Variants in CISH observed in about 807,000 individuals in gnomAD.
CISH encodes cytokine-inducible SH2-containing protein.
In CISH, 11 loss-of-function variants were observed where a neutral mutation model predicts 21.3. The observed-to-expected ratio is 0.52, with a 90% CI of 0.32 to 0.85. CISH has a LOEUF of 0.85. Among genes scored for constraint, CISH ranks in the 40% least tolerant of loss-of-function variants. The probability of loss-of-function intolerance (pLI) is 0.03; values close to 1 mark genes in which losing one functional copy is unlikely to be tolerated. For missense variants in CISH, 280 were observed against 351.7 expected (o/e 0.80, Z 1.63); for synonymous variants, 118 against 142.3 (o/e 0.83, Z 1.22).
At chr3:50,610,478 CTT>C in intron 1 of CISH, 1 of 1,551,358 alleles carries the variant, frequency 6.4e-7, no homozygotes, top group South Asian at 1.2e-5. Flanking sequence ...CAGTCTAAAA[CTT>C]TGTTCCCTGA....
rs1168693701 is a variant in CISH at position 50,608,509 on chromosome 3, C to A, written c.105G>T (p.Gln35His). 2 of 1,611,150 alleles carry A rather than the reference C, an allele frequency of 1.2e-6. No individual in the cohort carries two copies. Among genetic ancestry groups the A allele is most frequent in the South Asian group, 1.1e-5 (1 of 90,720 alleles). ...PSLELPKPVM[Q>H]PLPAGAFLEE... Reference sequence around the variant, plus strand: ...CGAGGAAGGCCCCAGCAGGCAAGGGCTGCATGACTGGCTTGGGCAGTTCCA... The same window carrying A: ...CGAGGAAGGCCCCAGCAGGCAAGGGATGCATGACTGGCTTGGGCAGTTCCA... The change falls in exon 2 of 3, where the codon CAG becomes CAT. Residue 35 changes from glutamine (Q) to histidine (H), a missense_variant. By Grantham distance (24) the Gln-to-His change is conservative (BLOSUM62 0). Coordinates refer to ENST00000348721, the MANE Select transcript of CISH (RefSeq NM_145071.4).
At chr3:50,611,259 G>A in intron 1 of CISH, 1 of 1,133,238 alleles carries the variant, frequency 8.8e-7, no homozygotes, top group Non-Finnish European at 1.1e-6. Context: ...AGCAGGCAGG[G>A]CAGCAGGCAG....
intron 1 of CISH, chr3:50,611,339 C>CCGTT: frequency 7.6e-7 from 1 of 1,321,644 alleles, no homozygotes; most frequent in South Asian, 1.9e-5. Flanking sequence ...GGACGCCGTG[C>CCGTT]CGTTAGCATC....
intron 1 of CISH, chr3:50,608,896 C>T (rs986460907): frequency 1.2e-5 from 4 of 346,816 alleles, no homozygotes; most frequent in Admixed American, 4.7e-5. Flanking sequence ...AAACACAGAT[C>T]ATTCCCTATA....
At chr3:50,611,535 G>A (rs1032823507) in intron 1 of CISH, 96 bp downstream of exon 1, 144 of 1,515,832 alleles carry the variant, frequency 9.5e-5, no homozygotes, top group Non-Finnish European at 1.2e-4. Context: ...CCTCTGGCCC[G>A]TCAAGCCCTC....
chr3:50,610,243 G>A, intron 1 of CISH: 1 of 1,045,784 alleles, frequency 9.6e-7, no homozygotes, highest in Non-Finnish European at 1.4e-6. Context: ...ACCTCTGTGG[G>A]TGGCCACGTC....
In CISH at chr3:50,607,424, C is replaced by T; in HGVS notation, c.*183G>A. 3.1e-6 allele frequency: 2 copies of T among 638,148 alleles called. No homozygotes were observed. Among genetic ancestry groups the T allele is most frequent in the East Asian group, 5.5e-5 (2 of 36,354 alleles). 39.5% of individuals were successfully genotyped at this position (638,148 alleles called of 1,614,324 possible). A position where few individuals can be genotyped will look rare whatever the true frequency, so the allele number is the denominator to read the frequency against. On this transcript the variant is annotated 3_prime_UTR_variant, in exon 3 of 3. Transcript: ENST00000348721. ...ACATGCGGCCTGGGGGCATTTACCT[C>T]CAAGTTGTGTGACACCTCCCCTCTC...
chr3:50,609,217 C>G (rs957203300), intron 1 of CISH: 4 of 152,264 alleles, frequency 2.6e-5, no homozygotes, highest in Non-Finnish European at 5.9e-5. Flanking sequence ...CCATACAAGT[C>G]AGCCTATCCT....
chr3:50,611,598 G>A, intron 1 of CISH, 33 bp downstream of exon 1: 1 of 1,522,958 alleles, frequency 6.6e-7, no homozygotes, highest in Non-Finnish European at 8.8e-7. Context: ...GCCCCTCGTG[G>A]TGGCCGGGAA....
intron 1 of CISH, chr3:50,610,155 A>G: frequency 1.7e-6 from 1 of 589,858 alleles, no homozygotes. Context: ...TGGAGGCCAA[A>G]TTTTGAGATG....
At position 50,607,703 on chromosome 3, in the gene CISH, G is replaced by GA. The variant is rs773702005; in HGVS notation, c.680_681insT (p.Arg228ProfsTer107). ...CCACCAGACGGTTGATGACAAGGCG[G>GA]CACAGGTGTTGCAGGCTGCGGGCAC... On this transcript the variant is annotated frameshift_variant, in exon 3 of 3. Transcript: ENST00000348721. LOFTEE classifies it high-confidence loss of function. 6.2e-7 allele frequency: 1 copy of GA among 1,613,866 alleles called. No individual in the cohort carries two copies. The highest frequency in any genetic ancestry group is 8.5e-7 in the Non-Finnish European group (1 of 1,179,952).
At chr3:50,610,098 C>T (rs1040813316) in intron 1 of CISH, 3 of 490,098 alleles carry the variant, frequency 6.1e-6, no homozygotes, top group African/African-American at 1.9e-5. Context: ...CTTTTCCACA[C>T]CTACCCTGGC....
chr3:50,608,702 T>A, intron 1 of CISH, 109 bp from the exon 2 acceptor site: 1 of 721,656 alleles, frequency 1.4e-6, no homozygotes, highest in Non-Finnish European at 2.1e-6. Flanking sequence ...CCCATCTCAC[T>A]ATGAGCCTCA....
At chr3:50,610,791 C>T in intron 1 of CISH, 2 of 1,152,224 alleles carry the variant, frequency 1.7e-6, no homozygotes, top group East Asian at 5.4e-5. Flanking sequence ...GCAGAACACC[C>T]ATTTATACCT....
Position 50,607,256 on chromosome 3 carries a change from T to G in CISH, c.*351A>C. On this transcript the variant is annotated 3_prime_UTR_variant, in exon 3 of 3. Coordinates refer to ENST00000348721, the MANE Select transcript of CISH (RefSeq NM_145071.4). ...TAGGGGTCCTACCCGACCCTGGGGA[T>G]TGAAAAACCAGGGCTGAGAGTGCCC... 1 of 269,146 alleles carries G rather than the reference T, an allele frequency of 3.7e-6. No individual in the cohort carries two copies. The highest frequency in any genetic ancestry group is 7.2e-6 in the Non-Finnish European group (1 of 139,474). The allele number at this position is 269,146 out of a possible 1,614,324, so 16.7% of individuals were successfully genotyped here.
Position 50,608,593 on chromosome 3 carries a change from T to C in CISH, c.21A>G (p.Gly7=), listed in dbSNP as rs1349123336. The C allele has an allele frequency of 6.6e-7, 1 of 1,504,726 alleles. No homozygotes were observed. Among genetic ancestry groups the C allele is most frequent in the Non-Finnish European group, 8.8e-7 (1 of 1,130,990 alleles). The allele number at this position is 1,504,726 out of a possible 1,614,324, so 93.2% of individuals were successfully genotyped here. A position where few individuals can be genotyped will look rare whatever the true frequency, so the allele number is the denominator to read the frequency against. Residue 7 remains glycine (G), a splice_region_variant and synonymous_variant, in exon 2 of 3, where the codon GGA becomes GGG. Transcript: ENST00000348721. The stretch of plus-strand genomic sequence containing the variant: ...GCTCCACAGCCAGCAAAGGACGAGG[T>C]CTAGAAGGCAGTGGATGAGCAGTGA... MVLCVQ[G]PRPLLAVERT...
In CISH at chr3:50,607,429, T is replaced by G; in HGVS notation, c.*178A>C. The G allele has an allele frequency of 1.6e-6, 1 of 644,232 alleles. No homozygotes were observed. Among genetic ancestry groups the G allele is most frequent in the South Asian group, 2.0e-5 (1 of 50,654 alleles). The allele number at this position is 644,232 out of a possible 1,614,324, so 39.9% of individuals were successfully genotyped here. A position where few individuals can be genotyped will look rare whatever the true frequency, so the allele number is the denominator to read the frequency against. On this transcript the variant is annotated 3_prime_UTR_variant, in exon 3 of 3. Transcript: ENST00000348721. ...CGGCCTGGGGGCATTTACCTCCAAG[T>G]TGTGTGACACCTCCCCTCTCCCATG...
rs547039308 is a variant in CISH, at chr3:50,608,326, C to G, written c.241+47G>C. The G allele has an allele frequency of 2.2e-3, 3,310 of 1,528,138 alleles. 94 individuals carry two copies. In the South Asian group the frequency reaches 0.039, roughly 18 times the overall value. 94.7% of individuals were successfully genotyped at this position (1,528,138 alleles called of 1,614,324 possible). ...GACTCAAAGGCAGAACTAAGCTTCTCCCACCAGACTACTCAGGAAAAGGCC... is the reference window on the plus strand; with the variant it reads ...GACTCAAAGGCAGAACTAAGCTTCTGCCACCAGACTACTCAGGAAAAGGCC... On this transcript the variant is annotated intron_variant, in intron 2 of 2. Coordinates refer to ENST00000348721, the MANE Select transcript of CISH (RefSeq NM_145071.4).
Position 50,607,560 on chromosome 3 carries a change from C to G in CISH, c.*47G>C, listed in dbSNP as rs1450915028. 6 of 1,557,616 alleles carry G rather than the reference C, an allele frequency of 3.9e-6. No individual in the cohort carries two copies. Among genetic ancestry groups the G allele is most frequent in the Non-Finnish European group, 5.2e-6 (6 of 1,146,964 alleles). ...CCCAAGTCCAGCTGGGGCTGATGTCCCCTCCAGGGTGCGACTGGGTGAGGG... is the reference window on the plus strand; with the variant it reads ...CCCAAGTCCAGCTGGGGCTGATGTCGCCTCCAGGGTGCGACTGGGTGAGGG... On this transcript the variant is annotated 3_prime_UTR_variant, in exon 3 of 3. Transcript: ENST00000348721.
Sources: gnomAD v4.1 joint callset for allele counts on GRCh38, gnomAD v4.1.1 for gene constraint, MANE v1.5 for transcripts, NCBI Gene and HGNC (gene_info 2026-07-23, HGNC 2026-07-21) for gene names.